Variants in MGAT4C observed in about 807,000 individuals in gnomAD.
MGAT4C encodes the protein MGAT4 family member C.
In MGAT4C, 19 loss-of-function variants were observed where a neutral mutation model predicts 40.1. The ratio of observed to expected loss-of-function variants is 0.47; its 90% CI spans 0.33 to 0.70. MGAT4C has a LOEUF of 0.70. Ranked by LOEUF, MGAT4C falls within the 30% of genes least tolerant of loss-of-function variation. The pLI, the probability that MGAT4C is intolerant of heterozygous loss-of-function variation, is 0.02. For synonymous variants in MGAT4C, 181 were observed against 187.1 expected (o/e 0.97, Z 0.27); for missense variants, 491 against 563.2 (o/e 0.87, Z 1.30).
chr12:86,458,063 C>T (rs1408237357), intron 2 of MGAT4C, among the ~76,000 whole-genome samples: 1 of 151,948 alleles, frequency 6.6e-6, no homozygotes, highest in Non-Finnish European at 1.5e-5. Flanking sequence ...CAAATCACTA[C>T]CAACAGCAAA....
chr12:86,375,315 G>T (rs894023089), intron 3 of MGAT4C, among the ~76,000 whole-genome samples: 4 of 152,088 alleles, frequency 2.6e-5, no homozygotes, highest in African/African-American at 7.2e-5. Flanking sequence ...GAGATTCTAT[G>T]CAAAAAATTC....
intron 4 of MGAT4C, among the ~76,000 whole-genome samples, chr12:86,332,724 A>G (rs1954699556): frequency 6.6e-6 from 1 of 152,166 alleles, no homozygotes; most frequent in Non-Finnish European, 1.5e-5. Flanking sequence ...GCTTAAGTAA[A>G]TATCCTTTTG....
At chr12:86,071,002 T>G (rs1868359771) in intron 1 of MGAT4C, among the ~76,000 whole-genome samples, 1 of 152,012 alleles carries the variant, frequency 6.6e-6, no homozygotes, top group African/African-American at 2.4e-5. Context: ...AAGCAGAAAT[T>G]CAAAGCTTAT....
chr12:86,041,579 C>A (rs915017510), intron 2 of MGAT4C, among the ~76,000 whole-genome samples: 19 of 152,046 alleles, frequency 1.2e-4, no homozygotes, highest in Non-Finnish European at 2.6e-4. Context: ...ATCGTTTACC[C>A]ACAAGTCATT....
intron 1 of MGAT4C, among the ~76,000 whole-genome samples, chr12:86,794,200 T>G (rs949477528): frequency 6.6e-6 from 1 of 151,758 alleles, no homozygotes; most frequent in Non-Finnish European, 1.5e-5. Context: ...ATCAAAACAT[T>G]TTTTATTAAA....
At chr12:86,123,584 T>C (rs916738453) in intron 1 of MGAT4C, among the ~76,000 whole-genome samples, 1 of 152,250 alleles carries the variant, frequency 6.6e-6, no homozygotes, top group South Asian at 2.1e-4. Flanking sequence ...TATTACTGAG[T>C]GCTTGGTATG....
At chr12:86,707,518 T>G (rs1950480485) in intron 2 of MGAT4C, among the ~76,000 whole-genome samples, 1 of 150,944 alleles carries the variant, frequency 6.6e-6, no homozygotes, top group African/African-American at 2.5e-5. Context: ...GGCGGAGGAA[T>G]TTTTCTTTTC....
chr12:86,666,140 G>A (rs944043526), intron 2 of MGAT4C, among the ~76,000 whole-genome samples: 6 of 152,072 alleles, frequency 3.9e-5, no homozygotes, highest in African/African-American at 9.7e-5. Flanking sequence ...AATATGAGGC[G>A]TGCTTCTTCA....
chr12:86,317,824 T>C (rs1027318548), intron 4 of MGAT4C, among the ~76,000 whole-genome samples: 1 of 151,516 alleles, frequency 6.6e-6, no homozygotes, highest in Middle Eastern at 3.2e-3. Flanking sequence ...CGAGGTTCTA[T>C]GGTCTAACGT....
At chr12:86,022,329 TA>T (rs1444721444) in intron 2 of MGAT4C, 1 of 152,218 alleles carries the variant, frequency 6.6e-6, no homozygotes, top group African/African-American at 2.4e-5. Flanking sequence ...CCCAAGACAT[TA>T]AGTATTGCCT....
At chr12:86,421,062 C>A (rs1040575012) in intron 3 of MGAT4C, among the ~76,000 whole-genome samples, 1 of 151,892 alleles carries the variant, frequency 6.6e-6, no homozygotes, top group African/African-American at 2.4e-5. Flanking sequence ...GTGAACCAAA[C>A]AAAATTTAAT....
At chr12:86,295,378 G>A (rs994380179) in intron 4 of MGAT4C, among the ~76,000 whole-genome samples, 6 of 152,196 alleles carry the variant, frequency 3.9e-5, no homozygotes, top group African/African-American at 1.2e-4. Flanking sequence ...CCCTCGCGGT[G>A]AGTGTTACAG....
At chr12:86,680,649 G>C (rs569295381) in intron 2 of MGAT4C, among the ~76,000 whole-genome samples, 2 of 152,048 alleles carry the variant, frequency 1.3e-5, no homozygotes, top group Admixed American at 6.6e-5. Context: ...GTAAACAAAG[G>C]CTTAGACATA....
chr12:86,192,552 CT>C (rs1295039720), intron 1 of MGAT4C, among the ~76,000 whole-genome samples: 1 of 152,168 alleles, frequency 6.6e-6, no homozygotes, highest in Admixed American at 6.6e-5. Flanking sequence ...TCTAATTAGA[CT>C]CAAATCCTAG....
At chr12:86,386,187 C>T (rs185107686) in intron 3 of MGAT4C, among the ~76,000 whole-genome samples, 1 of 152,168 alleles carries the variant, frequency 6.6e-6, no homozygotes. Flanking sequence ...GCCTCGGCCT[C>T]CCAAAGTGCT....
At chr12:86,360,330 G>A (rs918317600) in intron 3 of MGAT4C, among the ~76,000 whole-genome samples, 10 of 152,088 alleles carry the variant, frequency 6.6e-5, no homozygotes, top group African/African-American at 2.4e-4. Context: ...TTCATGGGGC[G>A]TACCTCAAAA....
At chr12:86,748,030 C>G (rs906356263) in intron 1 of MGAT4C, among the ~76,000 whole-genome samples, 1 of 151,542 alleles carries the variant, frequency 6.6e-6, no homozygotes, top group African/African-American at 2.4e-5. Flanking sequence ...AATTAGGAAC[C>G]AAGCCCTGTT....
intron 2 of MGAT4C, among the ~76,000 whole-genome samples, chr12:86,521,629 T>A (rs1377244632): frequency 6.6e-6 from 1 of 151,870 alleles, no homozygotes; most frequent in African/African-American, 2.4e-5. Context: ...GTGAAGAGCA[T>A]CATTGGTACT....
intron 4 of MGAT4C, among the ~76,000 whole-genome samples, chr12:85,981,406 C>T (rs994514319): frequency 2.0e-5 from 3 of 152,064 alleles, no homozygotes; most frequent in Admixed American, 1.3e-4. Flanking sequence ...TTTAATATAG[C>T]ACCTGTATAA....
Sources: allele counts gnomAD v4.1 joint callset (sites outside exome capture counted in the v4.1 genomes callset), GRCh38; gene constraint gnomAD v4.1.1; transcripts MANE v1.5; gene names NCBI Gene and HGNC (gene_info 2026-07-23, HGNC 2026-07-21).